SPOCK3: variants seen among roughly 807,000 people sequenced by gnomAD.
The protein encoded by SPOCK3 is SPARC (osteonectin), cwcv and kazal like domains proteoglycan 3.
Under a neutral mutation model 56.6 loss-of-function variants are expected in SPOCK3, and 30 were observed. That is an observed-to-expected ratio of 0.53 (90% CI 0.40 to 0.72). SPOCK3 has a LOEUF of 0.72. Ranked by LOEUF, SPOCK3 falls within the 30% of genes least tolerant of loss-of-function variation. The pLI, the probability that SPOCK3 is intolerant of heterozygous loss-of-function variation, is 0.00. For missense variants in SPOCK3, 527 were observed against 530.0 expected (o/e 0.99, Z 0.06); for synonymous variants, 196 against 183.3 (o/e 1.07, Z -0.56).
chr4:167,217,577 A>G (rs963560353), intron 2 of SPOCK3, among the ~76,000 whole-genome samples: 33 of 152,052 alleles, frequency 2.2e-4, no homozygotes, highest in African/African-American at 7.7e-4. Flanking sequence ...CCTGGAACCA[A>G]TTCCCCATGG....
chr4:166,955,505 A>G (rs982120129), intron 4 of SPOCK3, among the ~76,000 whole-genome samples: 2 of 105,372 alleles, frequency 1.9e-5, no homozygotes, highest in African/African-American at 1.1e-4. Context: ...TAAATTAGTT[A>G]TATTATTAAA....
intron 6 of SPOCK3, among the ~76,000 whole-genome samples, chr4:166,871,419 T>C (rs1019558539): frequency 6.6e-6 from 1 of 152,104 alleles, no homozygotes; most frequent in African/African-American, 2.4e-5. Flanking sequence ...AAGATAGTAT[T>C]ATGAACAGCT....
At chr4:167,027,337 A>ACTATGTTGTCTGGTT (rs1751787243) in intron 3 of SPOCK3, among the ~76,000 whole-genome samples, 1 of 152,036 alleles carries the variant, frequency 6.6e-6, no homozygotes, top group Non-Finnish European at 1.5e-5. Context: ...CATGTTAAAG[A>ACTATGTTGTCTGGTT]CTATGTTGTC....
intron 4 of SPOCK3, among the ~76,000 whole-genome samples, chr4:166,973,806 A>G (rs1745644442): frequency 6.6e-6 from 1 of 152,184 alleles, no homozygotes; most frequent in Admixed American, 6.5e-5. Flanking sequence ...ACCTCAATGG[A>G]AATGCAAGTT....
Position 166,833,704 on chromosome 4 carries a change from C to T in SPOCK3, c.590-41415G>A, listed in dbSNP as rs28435111. On this transcript the variant is annotated intron_variant, in intron 6 of 10. Coordinates refer to ENST00000357545, the MANE Select transcript of SPOCK3 (RefSeq NM_001040159.2). ...TGAATTAACTGAATTTTTATGATAT[C>T]CTTTTTTCTCCACTAATGGCTTATT... Among the ~76,000 whole-genome samples the T allele has an allele frequency of 5.2e-3, 786 of 152,202 alleles. 9 individuals are homozygous for T. The highest frequency in any genetic ancestry group is 0.018 in the African/African-American group (755 of 41,522).
chr4:167,162,594 T>G (rs918293066), intron 2 of SPOCK3, among the ~76,000 whole-genome samples: 5 of 152,076 alleles, frequency 3.3e-5, no homozygotes, highest in Non-Finnish European at 5.9e-5. Flanking sequence ...TGGACAGTGC[T>G]GCTCGAAGGT....
At chr4:166,918,414 C>A (rs547523362) in intron 4 of SPOCK3, 3 of 152,004 alleles carry the variant, frequency 2.0e-5, no homozygotes, top group Non-Finnish European at 2.9e-5. Context: ...CAAATACTAA[C>A]CAGGCCCAGC....
At chr4:166,908,658 T>A (rs1736897549) in intron 5 of SPOCK3, among the ~76,000 whole-genome samples, 1 of 151,938 alleles carries the variant, frequency 6.6e-6, no homozygotes, top group Admixed American at 6.6e-5. Context: ...GAGTTTAAAA[T>A]CATCCACTGT....
At chr4:167,065,755 T>C (rs1756063793) in intron 2 of SPOCK3, among the ~76,000 whole-genome samples, 1 of 151,930 alleles carries the variant, frequency 6.6e-6, no homozygotes, top group African/African-American at 2.4e-5. Flanking sequence ...ATAAAAGTAT[T>C]TTCACATAAG....
chr4:167,022,453 A>G (rs549390514), intron 3 of SPOCK3, among the ~76,000 whole-genome samples: 1 of 152,150 alleles, frequency 6.6e-6, no homozygotes, highest in South Asian at 2.1e-4. Context: ...ATGTGTATAT[A>G]TAAGATCAAG....
chr4:167,055,657 A>G (rs1343725744), intron 3 of SPOCK3, among the ~76,000 whole-genome samples: 3 of 152,198 alleles, frequency 2.0e-5, no homozygotes, highest in Non-Finnish European at 4.4e-5. Flanking sequence ...TATATCCCGC[A>G]CCTGGCTCAG....
In SPOCK3 at chr4:167,000,375, G is replaced by T; in HGVS notation, c.324C>A (p.Cys108Ter). 6.3e-7 allele frequency: 1 copy of T among 1,591,760 alleles called. No homozygotes were observed. The highest frequency in any genetic ancestry group is 8.6e-7 in the Non-Finnish European group (1 of 1,164,044). The change falls in exon 4 of 11, where the codon TGC becomes TGA. Residue 108 changes from cysteine to a stop codon, truncating the protein, a stop_gained. Coordinates refer to ENST00000357545, the MANE Select transcript of SPOCK3 (RefSeq NM_001040159.2). LOFTEE classifies it high-confidence loss of function. ...TGTGTGTAAGCCTCCGGTGACTAAT[G>T]CAGACTGCAGTCTGAGAATCTTGAG... ...CIAQDSQTAV[C>*]ISHRRLTHRM... is the part of the protein sequence containing the mutation.
intron 2 of SPOCK3, among the ~76,000 whole-genome samples, chr4:167,063,546 A>G (rs539774156): frequency 2.0e-5 from 3 of 151,998 alleles, no homozygotes; most frequent in African/African-American, 7.2e-5. Flanking sequence ...CTTTGTATCA[A>G]TGTAAGGGGT....
chr4:166,764,620 T>C lies in SPOCK3; in HGVS notation c.710-9891A>G, dbSNP rs186742495. 3.3e-3 allele frequency among the ~76,000 whole-genome samples: 495 copies of C among 152,298 alleles called. 3 individuals are homozygous for C. The highest frequency in any genetic ancestry group is 0.011 in the African/African-American group (454 of 41,574). On this transcript the variant is annotated intron_variant, in intron 7 of 10. Transcript: ENST00000357545. The stretch of plus-strand genomic sequence containing the variant: ...GACATTTGGGTTGGTTCCAAGTCTT[T>C]GCTATTGTGAATAGTGCTGCAATAA...
In SPOCK3 at chr4:167,065,037, C is replaced by CAAAAAAAAAAAAAAAA. The variant is rs56284627; in HGVS notation, c.190-2516_190-2501dup. ...CTATTTTCAAATCCAATGCCCTCTC[C>CAAAAAAAAAAAAAAAA]AAAAAAAAAAAAAAAAAAAAAAAGT... On this transcript the variant is annotated intron_variant, in intron 2 of 10. Coordinates refer to ENST00000357545, the MANE Select transcript of SPOCK3 (RefSeq NM_001040159.2). Among the ~76,000 whole-genome samples the CAAAAAAAAAAAAAAAA allele has an allele frequency of 9.8e-4, 63 of 64,042 alleles. 7 individuals are homozygous for CAAAAAAAAAAAAAAAA. The highest frequency in any genetic ancestry group is 2.7e-3 in the East Asian group (7 of 2,630). 42.0% of individuals were successfully genotyped at this position (64,042 alleles called of 152,430 possible).
At chr4:167,011,931 A>G (rs568062643) in intron 3 of SPOCK3, among the ~76,000 whole-genome samples, 28 of 152,074 alleles carry the variant, frequency 1.8e-4, no homozygotes, top group African/African-American at 6.7e-4. Flanking sequence ...GTTTTATTTT[A>G]TATCTTTTTA....
intron 6 of SPOCK3, among the ~76,000 whole-genome samples, chr4:166,793,445 G>A (rs1443352521): frequency 1.3e-5 from 2 of 152,152 alleles, no homozygotes; most frequent in South Asian, 2.1e-4. Context: ...CTGATGAGCT[G>A]AAAAAAACAA....
chr4:167,231,446 A>T (rs1254807737), intron 2 of SPOCK3, among the ~76,000 whole-genome samples: 1 of 152,102 alleles, frequency 6.6e-6, no homozygotes, highest in Non-Finnish European at 1.5e-5. Flanking sequence ...TTGTTTCTCA[A>T]ATAAGAGGTT....
chr4:167,140,284 A>G (rs1763429926), intron 2 of SPOCK3, among the ~76,000 whole-genome samples: 1 of 152,126 alleles, frequency 6.6e-6, no homozygotes, highest in Admixed American at 6.6e-5. Flanking sequence ...GAAATCTTGC[A>G]GAACATATTG....
Sources: allele counts gnomAD v4.1 joint callset (sites outside exome capture counted in the v4.1 genomes callset), GRCh38; gene constraint gnomAD v4.1.1; transcripts MANE v1.5; gene names NCBI Gene and HGNC (gene_info 2026-07-23, HGNC 2026-07-21).